Variants in CCT8 observed in about 807,000 individuals in gnomAD.
CCT8 encodes the protein chaperonin containing TCP1 subunit 8.
CCT8 carries 10 observed loss-of-function variants against 65.7 expected under a neutral mutation model. The observed-to-expected ratio is 0.15, with a 90% CI of 0.09 to 0.26. The LOEUF (loss-of-function observed/expected upper bound fraction) is 0.26. Ranked by LOEUF, CCT8 falls within the 10% of genes least tolerant of loss-of-function variation. The pLI, the probability that CCT8 is intolerant of heterozygous loss-of-function variation, is 1.00. For synonymous variants in CCT8, 199 were observed against 221.8 expected (o/e 0.90, Z 0.92); for missense variants, 568 against 669.1 (o/e 0.85, Z 1.67).
intron 2 of CCT8, 93 bp downstream of exon 2, chr21:29,070,154 T>C (rs2183569): frequency 0.84 from 548,436 of 651,070 alleles, 232,463 homozygotes; most frequent in African/African-American, 0.94. Flanking sequence ...ACTTCCGAAG[T>C]CATACCATAA....
chr21:29,066,198 A>G (rs769873834), intron 6 of CCT8, among the ~76,000 whole-genome samples: 16 of 152,180 alleles, frequency 1.1e-4, no homozygotes, highest in Admixed American at 3.3e-4. Context: ...TTAAACTTAA[A>G]TAGGTAGTAG....
chr21:29,067,617 A>C lies in CCT8; in HGVS notation c.320T>G (p.Phe107Cys). ...AGCTAATTCCAGGAGAGCTCCAGCA[A>C]ATACCAGAACAAAGTTTGTGCCATC... ...VGDGTNFVLVFAGALLELAEE... is the reference protein window; with the variant it reads ...VGDGTNFVLVCAGALLELAEE... The change falls in exon 4 of 15, where the codon TTT becomes TGT. Residue 107 changes from phenylalanine to cysteine, a missense_variant. Phe to Cys is a radical substitution (Grantham distance 205). Coordinates refer to ENST00000286788, the MANE Select transcript of CCT8 (RefSeq NM_006585.4). 7.0e-7 allele frequency: 1 copy of C among 1,434,952 alleles called. No homozygotes were observed. The highest frequency in any genetic ancestry group is 1.7e-5 in the South Asian group (1 of 58,534). 88.9% of individuals were successfully genotyped at this position (1,434,952 alleles called of 1,614,324 possible). A position where few individuals can be genotyped will look rare whatever the true frequency, so the allele number is the denominator to read the frequency against.
chr21:29,061,306 T>G lies in CCT8; in HGVS notation c.1396A>C (p.Lys466Gln). ...CCTTCTTGATGTACTGCATAAAGTTTAGAGATTACTTCATTGGCCTTAACT... is the reference window on the plus strand; with the variant it reads ...CCTTCTTGATGTACTGCATAAAGTTGAGAGATTACTTCATTGGCCTTAACT... ...SGVKANEVIS[K>Q]LYAVHQEGNK... Residue 466 changes from lysine (K) to glutamine (Q), a missense_variant, in exon 13 of 15, where the codon AAA (lysine) becomes CAA (glutamine). Lys to Gln is a moderately conservative substitution (Grantham distance 53, BLOSUM62 1). Transcript: ENST00000286788. 2 of 1,614,000 alleles carry G rather than the reference T, an allele frequency of 1.2e-6. No individual in the cohort carries two copies. The highest frequency in any genetic ancestry group is 1.7e-5 in the Admixed American group (1 of 60,024).
chr21:29,056,580 A>G, intron 14 of CCT8, 28 bp from the exon 15 acceptor site: 7 of 1,418,802 alleles, frequency 4.9e-6, no homozygotes, highest in Non-Finnish European at 5.7e-6. Flanking sequence ...ACACAAGAGT[A>G]TGCTTATCAA....
At chr21:29,062,858 A>G (rs2085579396) in intron 8 of CCT8, 1 of 412,928 alleles carries the variant, frequency 2.4e-6, no homozygotes, top group Non-Finnish European at 4.3e-6. Context: ...CTAAAACACC[A>G]GAGAAACCCT....
intron 6 of CCT8, among the ~76,000 whole-genome samples, chr21:29,065,901 T>C (rs1290298110): frequency 6.6e-6 from 1 of 150,840 alleles, no homozygotes. Flanking sequence ...GCCAACATGG[T>C]GAAACCCTGC....
intron 3 of CCT8, among the ~76,000 whole-genome samples, chr21:29,069,101 TAC>T (rs566179305): frequency 5.5e-4 from 84 of 152,280 alleles, no homozygotes; most frequent in Middle Eastern, 6.8e-3. Context: ...GTTATATGTA[TAC>T]GTTTTTGCAC....
intron 7 of CCT8, among the ~76,000 whole-genome samples, chr21:29,064,409 T>TAAAAAAAAAAAAAAAAAAAAAAAAAAAGA (rs2085598065): frequency 3.7e-5 from 1 of 26,714 alleles, no homozygotes; most frequent in Non-Finnish European, 6.2e-5. Context: ...AGCAAGACTC[T>TAAAAAAAAAAAAAAAAAAAAAAAAAAAGA]AAAAAAAAAA....
At chr21:29,070,173 G>A in intron 2 of CCT8, 74 bp downstream of exon 2, 1 of 883,672 alleles carries the variant, frequency 1.1e-6, no homozygotes, top group Non-Finnish European at 1.7e-6. Context: ...AACATCCTCA[G>A]AACAAGTCTG....
At chr21:29,064,866 A>C (rs2085604143) in intron 7 of CCT8, 102 bp downstream of exon 7, 2 of 943,044 alleles carry the variant, frequency 2.1e-6, no homozygotes, top group Non-Finnish European at 3.2e-6. Context: ...AAGATCCTGC[A>C]ATGTTCAGTT....
intron 14 of CCT8, among the ~76,000 whole-genome samples, chr21:29,057,770 TATG>T (rs1268051570): frequency 8.7e-6 from 1 of 114,414 alleles, no homozygotes; most frequent in Non-Finnish European, 2.2e-5. Context: ...ATGAGATATA[TATG>T]ATATATATGA....
chr21:29,064,874 G>T, intron 7 of CCT8, 94 bp downstream of exon 7: 5 of 1,089,234 alleles, frequency 4.6e-6, no homozygotes, highest in Non-Finnish European at 6.7e-6. Flanking sequence ...GCAATGTTCA[G>T]TTTTTTAAGA....
At chr21:29,057,707 A>G (rs777714464) in intron 14 of CCT8, among the ~76,000 whole-genome samples, 1 of 83,654 alleles carries the variant, frequency 1.2e-5, no homozygotes, top group Non-Finnish European at 3.7e-5. Flanking sequence ...TATATCATAT[A>G]TAATATATAT....
At chr21:29,066,689 T>G (rs753033621) in intron 6 of CCT8, 27 bp downstream of exon 6, 2 of 1,479,752 alleles carry the variant, frequency 1.4e-6, no homozygotes, top group East Asian at 2.3e-5. Flanking sequence ...GACCTAGATA[T>G]GTAGCATTAA....
At position 29,067,573 on chromosome 21, in the gene CCT8, C is replaced by G. The variant is rs79563244; in HGVS notation, c.364G>C (p.Gly122Arg). Residue 122 changes from glycine (G) to arginine (R), a missense_variant, in exon 4 of 15, where the codon GGC (glycine) becomes CGC (arginine). Physicochemically the swap from Gly to Arg is moderately radical, Grantham distance 125. Coordinates refer to ENST00000286788, the MANE Select transcript of CCT8 (RefSeq NM_006585.4). ...LELAEELLRI[G>R]LSVSEVIEGY... ...ACACTTGCCTCTGAAACTGACAGGC[C>G]AATCCTCAGAAGTTCTTCAGCTAAT... is the stretch of plus-strand genomic sequence containing the variant. 2 of 1,456,966 alleles carry G rather than the reference C, an allele frequency of 1.4e-6. No individual in the cohort carries two copies. The highest frequency in any genetic ancestry group is 2.7e-5 in the Admixed American group (1 of 36,946). 90.3% of individuals were successfully genotyped at this position (1,456,966 alleles called of 1,614,324 possible). A position where few individuals can be genotyped will look rare whatever the true frequency, so the allele number is the denominator to read the frequency against.
At chr21:29,066,404 G>A (rs557246706) in intron 6 of CCT8, among the ~76,000 whole-genome samples, 2 of 152,214 alleles carry the variant, frequency 1.3e-5, no homozygotes, top group South Asian at 4.2e-4. Context: ...GCCGGGTGTG[G>A]TGGCGCATGC....
intron 13 of CCT8, among the ~76,000 whole-genome samples, chr21:29,060,900 C>T (rs1374256498): frequency 6.6e-6 from 1 of 152,160 alleles, no homozygotes; most frequent in Admixed American, 6.5e-5. Context: ...AATCTATGCA[C>T]ATCCTCTCAT....
chr21:29,065,866 A>G (rs1268844941), intron 6 of CCT8, among the ~76,000 whole-genome samples: 1 of 152,064 alleles, frequency 6.6e-6, no homozygotes, highest in Non-Finnish European at 1.5e-5. Flanking sequence ...GCAGATCATG[A>G]GGTCAGGAGT....
chr21:29,072,145 G>A (rs2085687904), intron 1 of CCT8: 2 of 587,750 alleles, frequency 3.4e-6, no homozygotes, highest in Non-Finnish European at 6.0e-6. Context: ...TAAGCACTGA[G>A]CTAAGAGTTC....
Sources: gnomAD v4.1 joint callset for allele counts (sites outside exome capture counted in the v4.1 genomes callset) on GRCh38, gnomAD v4.1.1 for gene constraint, MANE v1.5 for transcripts, NCBI Gene and HGNC (gene_info 2026-07-23, HGNC 2026-07-21) for gene names.